CDK14: variants seen among roughly 807,000 people sequenced by gnomAD.
CDK14 encodes cyclin dependent kinase 14.
Under a neutral mutation model 60.7 loss-of-function variants are expected in CDK14, and 34 were observed. That is an observed-to-expected ratio of 0.56 (90% CI 0.43 to 0.75). CDK14 has a LOEUF of 0.75. Ranked by LOEUF, CDK14 falls within the 30% of genes least tolerant of loss-of-function variation. The pLI is 0.00. For missense variants in CDK14, 482 were observed against 564.1 expected, an observed-to-expected ratio of 0.85 and a Z score of 1.47; for synonymous variants, 197 against 203.7, an observed-to-expected ratio of 0.97 and a Z score of 0.28.
At chr7:90,761,645 G>C (rs1266863558) in intron 4 of CDK14, among the ~76,000 whole-genome samples, 1 of 152,168 alleles carries the variant, frequency 6.6e-6, no homozygotes, top group East Asian at 1.9e-4. Context: ...TTCACAACTT[G>C]AGGAGTGGTG....
intron 3 of CDK14, among the ~76,000 whole-genome samples, chr7:90,741,225 C>T (rs1406527231): frequency 1.3e-5 from 2 of 152,124 alleles, no homozygotes; most frequent in African/African-American, 2.4e-5. Flanking sequence ...ATTGAAGGTG[C>T]CACTGTCTAG....
chr7:90,736,344 GTTT>G (rs1245652024), intron 3 of CDK14, among the ~76,000 whole-genome samples: 4 of 41,024 alleles, frequency 9.8e-5, no homozygotes, highest in African/African-American at 3.6e-4. Context: ...ACTTTATTAT[GTTT>G]TTGTTTTTTT....
intron 6 of CDK14, among the ~76,000 whole-genome samples, chr7:90,876,605 C>T (rs886306602): frequency 6.6e-6 from 1 of 152,142 alleles, no homozygotes; most frequent in African/African-American, 2.4e-5. Flanking sequence ...GTTTAGTATT[C>T]CATTTGGTTG....
At chr7:91,117,070 T>C (rs1236044049) in intron 13 of CDK14, among the ~76,000 whole-genome samples, 4 of 146,112 alleles carry the variant, frequency 2.7e-5, no homozygotes, top group African/African-American at 1.0e-4. Context: ...CACTCAACAT[T>C]TCCATTTGAC....
chr7:90,956,180 A>C (rs190369479), intron 9 of CDK14, among the ~76,000 whole-genome samples: 8 of 152,304 alleles, frequency 5.3e-5, no homozygotes, highest in African/African-American at 1.9e-4. Context: ...TAAATTTGCA[A>C]CAAAGCTCTG....
intron 3 of CDK14, 139 bp downstream of exon 3, chr7:90,726,951 GAAGA>G: frequency 2.1e-6 from 2 of 951,562 alleles, no homozygotes; most frequent in Non-Finnish European, 3.1e-6. Flanking sequence ...GAATGTTTTG[GAAGA>G]GAGAGAGCAA....
intron 5 of CDK14, among the ~76,000 whole-genome samples, chr7:90,800,754 T>A (rs533748105): frequency 6.6e-6 from 1 of 152,372 alleles, no homozygotes; most frequent in South Asian, 2.1e-4. Context: ...ACAAATTTGC[T>A]GGCTTATTCT....
intron 10 of CDK14, among the ~76,000 whole-genome samples, chr7:91,014,327 T>A (rs1217332576): frequency 6.6e-6 from 1 of 152,164 alleles, no homozygotes; most frequent in East Asian, 1.9e-4. Context: ...GATTTTTCTC[T>A]TTTGCAACTC....
At chr7:90,889,534 A>G (rs965140149) in intron 6 of CDK14, among the ~76,000 whole-genome samples, 2 of 152,248 alleles carry the variant, frequency 1.3e-5, no homozygotes, top group African/African-American at 4.8e-5. Context: ...TATTATGACC[A>G]AAAAGAAGAA....
chr7:91,112,799 T>C (rs377314785), intron 13 of CDK14, 118 bp downstream of exon 13: 14 of 962,232 alleles, frequency 1.5e-5, no homozygotes, highest in African/African-American at 1.4e-4. Context: ...CATAAGATAA[T>C]GTATGTTTGT....
chr7:90,647,065 T>A (rs1800485705), intron 2 of CDK14, among the ~76,000 whole-genome samples: 1 of 152,202 alleles, frequency 6.6e-6, no homozygotes, highest in Non-Finnish European at 1.5e-5. Flanking sequence ...TATTTTAAAT[T>A]TACATTACTT....
chr7:90,794,320 G>T (rs1404537420), intron 5 of CDK14, among the ~76,000 whole-genome samples: 1 of 152,142 alleles, frequency 6.6e-6, no homozygotes, highest in East Asian at 1.9e-4. Context: ...ATCTTATCAG[G>T]AGACAGTGTC....
At chr7:90,795,749 C>A (rs919710440) in intron 5 of CDK14, among the ~76,000 whole-genome samples, 6 of 151,984 alleles carry the variant, frequency 3.9e-5, no homozygotes, top group Non-Finnish European at 7.4e-5. Context: ...CAAAAAGGAA[C>A]CAGAAGAAAA....
At chr7:90,903,102 A>T (rs1235696212) in intron 7 of CDK14, among the ~76,000 whole-genome samples, 1 of 152,176 alleles carries the variant, frequency 6.6e-6, no homozygotes, top group African/African-American at 2.4e-5. Context: ...GTTACTGAAG[A>T]TGTGGAGAAA....
chr7:91,083,226 A>G (rs902131344), intron 12 of CDK14, among the ~76,000 whole-genome samples: 1 of 152,120 alleles, frequency 6.6e-6, no homozygotes, highest in Non-Finnish European at 1.5e-5. Context: ...TATTCTATAC[A>G]TCACTATTAA....
At chr7:91,199,662 A>G (rs4236518) in intron 14 of CDK14, among the ~76,000 whole-genome samples, 8,088 of 152,306 alleles carry the variant, frequency 0.053, 268 homozygotes, top group Middle Eastern at 0.1. Flanking sequence ...CATGTGAGAA[A>G]TGCTTTGTTT....
intron 2 of CDK14, among the ~76,000 whole-genome samples, chr7:90,700,085 A>C (rs2116611691): frequency 6.6e-6 from 1 of 152,226 alleles, no homozygotes; most frequent in Middle Eastern, 3.4e-3. Context: ...GTGGAAAAAA[A>C]GTTTGGTTGT....
Position 90,757,710 on chromosome 7 carries a change from C to T in CDK14, c.464+9935C>T, listed in dbSNP as rs1230410023. ...CTGCCGCTGAGGCTTAACCGATTCT[C>T]ATGCCTCAGCACCCCCGAGTAGCTG... On this transcript the variant is annotated intron_variant, in intron 4 of 14. Coordinates refer to ENST00000380050, the MANE Select transcript of CDK14 (RefSeq NM_001287135.2). 3.9e-5 allele frequency among the ~76,000 whole-genome samples: 6 copies of T among 151,926 alleles called. 1 individual carries two copies. Among genetic ancestry groups the T allele is most frequent in the Non-Finnish European group, 8.8e-5 (6 of 68,012 alleles).
In CDK14 at chr7:90,803,570, CTG is replaced by C. The variant is rs1788724819; in HGVS notation, c.544+12921_544+12922del. 3.9e-5 allele frequency among the ~76,000 whole-genome samples: 6 copies of C among 152,102 alleles called. No homozygotes were observed. In the East Asian group the frequency reaches 9.7e-4, roughly 25 times the overall value. On this transcript the variant is annotated intron_variant, in intron 5 of 14. Coordinates refer to ENST00000380050, the MANE Select transcript of CDK14 (RefSeq NM_001287135.2). ...AGATAGTGGAACCAGTAATGAGTAA[CTG>C]TGGTTGGGGATAGGGGAGGCAGGTG...
Sources: allele counts gnomAD v4.1 joint callset (sites outside exome capture counted in the v4.1 genomes callset), GRCh38; gene constraint gnomAD v4.1.1; transcripts MANE v1.5; gene names NCBI Gene and HGNC (gene_info 2026-07-23, HGNC 2026-07-21).